The following NAV2 variants were observed in gnomAD, a reference collection of about 807,000 sequenced individuals.
The protein encoded by NAV2 is helicase, APC down-regulated 1.
NAV2 carries 54 observed loss-of-function variants against 223.2 expected under a neutral mutation model. That is an observed-to-expected ratio of 0.24 (90% confidence interval 0.19 to 0.30). The LOEUF (loss-of-function observed/expected upper bound fraction) is 0.30, where lower values mean the gene tolerates loss of function less well. Ranked by LOEUF, NAV2 falls within the 10% of genes least tolerant of loss-of-function variation. The pLI, the probability that NAV2 is intolerant of heterozygous loss-of-function variation, is 1.00. For missense variants in NAV2, 2,806 were observed against 3,147.5 expected (o/e 0.89, Z 2.60); for synonymous variants, 1,279 against 1,239.3 (o/e 1.03, Z -0.67).
chr11:19,644,267 C>A (rs1041049807), intron 1 of NAV2, among the ~76,000 whole-genome samples: 2 of 152,216 alleles, frequency 1.3e-5, no homozygotes, highest in Non-Finnish European at 2.9e-5. Context: ...CACTTTGATG[C>A]CCAACCCCTG....
At chr11:19,859,858 C>T (rs1192482609) in intron 3 of NAV2, among the ~76,000 whole-genome samples, 18 of 138,776 alleles carry the variant, frequency 1.3e-4, no homozygotes, top group African/African-American at 4.4e-4. Flanking sequence ...GGCGGCTGGC[C>T]GGGCGGGGGG....
chr11:20,023,181 A>T, intron 11 of NAV2: 1 of 1,516,826 alleles, frequency 6.6e-7, no homozygotes, highest in Non-Finnish European at 8.9e-7. Flanking sequence ...GGTGTGGTGC[A>T]TGTACTGCCT....
intron 1 of NAV2, among the ~76,000 whole-genome samples, chr11:19,753,528 T>C (rs1012539033): frequency 5.9e-5 from 9 of 152,196 alleles, no homozygotes; most frequent in African/African-American, 2.2e-4. Flanking sequence ...GGGTTTAGGC[T>C]CTCTTCTCTG....
chr11:20,096,525 T>G (rs1327666331), intron 30 of NAV2, among the ~76,000 whole-genome samples: 8 of 152,162 alleles, frequency 5.3e-5, no homozygotes, highest in Non-Finnish European at 2.9e-5. Context: ...CATTTAAAGG[T>G]GAAGAAAGTG....
intron 3 of NAV2, among the ~76,000 whole-genome samples, chr11:19,862,483 GC>G (rs1830343168): frequency 6.6e-6 from 1 of 152,204 alleles, no homozygotes; most frequent in African/African-American, 2.4e-5. Flanking sequence ...GAGTCACGGA[GC>G]CCCTCTTATG....
chr11:19,868,662 A>G (rs574499306), intron 3 of NAV2, among the ~76,000 whole-genome samples: 23 of 152,268 alleles, frequency 1.5e-4, no homozygotes, highest in African/African-American at 5.5e-4. Flanking sequence ...TGGTGGTGAC[A>G]GTGATCAAGA....
rs572006161 is a variant in NAV2, at chr11:19,397,633, GT to G, written c.75+46610del. 9.9e-5 allele frequency among the ~76,000 whole-genome samples: 15 copies of G among 152,174 alleles called. No individual in the cohort carries two copies. In the East Asian group the frequency reaches 2.9e-3, roughly 29 times the overall value. On this transcript the variant is annotated intron_variant, in intron 1 of 37. Coordinates refer to the NAV2 transcript ENST00000360655. ...AATTTGTCACAACAAACAAGTATTG[GT>G]TTTATAATGAAATATAGGTTAAAAT...
chr11:20,095,676 C>T lies in NAV2; in HGVS notation c.5921C>T (p.Ser1974Phe), dbSNP rs751945616. ...TGTACATTTCCTTACCCTTAGGATT[C>T]CAGACCACATCTCTTTCTTATTGGC... ...FQEEMKWKED[S>F]RPHLFLIGCI... The change falls in exon 30 of 38, where the codon TCC becomes TTC. Residue 1974 changes from serine to phenylalanine, a missense_variant. Ser to Phe is a radical substitution (Grantham distance 155). This residue lies in a region of NAV2 where 824 missense variants were observed against 1,069.4 expected (regional missense o/e 0.77). Transcript: ENST00000349880. 2 of 1,611,748 alleles carry T rather than the reference C, an allele frequency of 1.2e-6. No homozygotes were observed. Among genetic ancestry groups the T allele is most frequent in the Non-Finnish European group, 1.7e-6 (2 of 1,177,980 alleles).
intron 1 of NAV2, among the ~76,000 whole-genome samples, chr11:19,756,514 C>T (rs987016190): frequency 1.3e-5 from 2 of 152,210 alleles, no homozygotes; most frequent in African/African-American, 4.8e-5. Flanking sequence ...CAGAGTCAAC[C>T]TGAAACCCCC....
chr11:19,602,930 G>A (rs548795751), intron 1 of NAV2, among the ~76,000 whole-genome samples: 2 of 152,214 alleles, frequency 1.3e-5, no homozygotes, highest in African/African-American at 2.4e-5. Context: ...ACCACCATTC[G>A]ACCCACTACA....
At chr11:19,800,144 G>A (rs1489993504) in intron 1 of NAV2, among the ~76,000 whole-genome samples, 1 of 152,048 alleles carries the variant, frequency 6.6e-6, no homozygotes, top group Admixed American at 6.6e-5. Flanking sequence ...TCTATCCATC[G>A]CCCCCACTAC....
intron 35 of NAV2, among the ~76,000 whole-genome samples, chr11:20,106,156 T>TGTATATATAG (rs202054270): frequency 1.6e-4 from 1 of 6,334 alleles, no homozygotes; most frequent in South Asian, 0.021. Flanking sequence ...TGTGTGTGTG[T>TGTATATATAG]ATATATATAT....
intron 1 of NAV2, among the ~76,000 whole-genome samples, chr11:19,791,218 C>T (rs2057492160): frequency 6.6e-6 from 1 of 152,166 alleles, no homozygotes; most frequent in Non-Finnish European, 1.5e-5. Context: ...ACATCACTCA[C>T]ATCAAGGACA....
At chr11:19,375,512 C>G (rs894871048) in intron 1 of NAV2, among the ~76,000 whole-genome samples, 1 of 152,228 alleles carries the variant, frequency 6.6e-6, no homozygotes, top group Non-Finnish European at 1.5e-5. Context: ...TGCTCTACAT[C>G]AGTCTAAATT....
intron 12 of NAV2, among the ~76,000 whole-genome samples, chr11:20,042,119 T>G (rs980872254): frequency 6.6e-6 from 1 of 152,156 alleles, no homozygotes; most frequent in Non-Finnish European, 1.5e-5. Context: ...AAATTCTGGT[T>G]GGATGAATGT....
At chr11:19,433,818 A>G (rs1429293835) in intron 1 of NAV2, among the ~76,000 whole-genome samples, 3 of 152,248 alleles carry the variant, frequency 2.0e-5, no homozygotes, top group Non-Finnish European at 4.4e-5. Flanking sequence ...CTCACATCCA[A>G]TTGAATGTTT....
Position 19,945,106 on chromosome 11 carries a change from TC to T in NAV2, c.2147-1294del, listed in dbSNP as rs2046793068. 4.4e-5 allele frequency among the ~76,000 whole-genome samples: 5 copies of T among 114,330 alleles called. No individual in the cohort carries two copies. In the Admixed American group the frequency reaches 4.9e-4, roughly 11 times the overall value. 75.0% of individuals were successfully genotyped at this position (114,330 alleles called of 152,430 possible). On this transcript the variant is annotated intron_variant, in intron 8 of 37. Transcript: ENST00000349880. ...TTCTCTTTTCTTCTCTTCTCTTCTT[TC>T]TTTTTTTCTCTTTCTTTCTTTCTTT... is the stretch of plus-strand genomic sequence containing the variant.
rs190604992 is a variant in NAV2 at position 19,509,144 on chromosome 11, C to A, written c.75+158117C>A. On this transcript the variant is annotated intron_variant, in intron 1 of 37. Coordinates refer to the NAV2 transcript ENST00000360655. ...CATTAGGACTTGTCAGTCCCTTACT[C>A]TGGACTTCAGTGTCCTCTTCTGTAA... Among the ~76,000 whole-genome samples the A allele has an allele frequency of 2.6e-4, 39 of 152,354 alleles. No homozygotes were observed. In the East Asian group the frequency reaches 7.1e-3, roughly 28 times the overall value.
chr11:19,848,032 C>A (rs538574528), intron 3 of NAV2, among the ~76,000 whole-genome samples: 3 of 152,286 alleles, frequency 2.0e-5, no homozygotes, highest in Admixed American at 2.0e-4. Context: ...AGATCATGAA[C>A]CCCAGAGGCC....
Sources: allele counts gnomAD v4.1 joint callset (sites outside exome capture counted in the v4.1 genomes callset), GRCh38; gene constraint gnomAD v4.1.1; regional missense constraint gnomAD v4.1.1; transcripts MANE v1.5; gene names NCBI Gene and HGNC (gene_info 2026-07-23, HGNC 2026-07-21).